The following HCN1 variants were observed in gnomAD, a reference collection of about 807,000 sequenced individuals.
HCN1 encodes potassium/sodium hyperpolarization-activated cyclic nucleotide-gated channel 1.
Under a neutral mutation model 78.9 loss-of-function variants are expected in HCN1, and 13 were observed. The observed-to-expected ratio is 0.16, with a 90% CI of 0.11 to 0.26. HCN1 has a LOEUF of 0.26. Among genes scored for constraint, HCN1 ranks in the 10% least tolerant of loss-of-function variants. The pLI is 1.00. For synonymous variants in HCN1, 552 were observed against 455.5 expected (o/e 1.21, Z -2.70); for missense variants, 810 against 1,154.3 (o/e 0.70, Z 4.32).
chr5:45,569,765 G>A (rs1743786464), intron 2 of HCN1, among the ~76,000 whole-genome samples: 1 of 151,858 alleles, frequency 6.6e-6, no homozygotes, highest in South Asian at 2.1e-4. Context: ...AAATTAGTAA[G>A]TACAATTTTA....
intron 2 of HCN1, among the ~76,000 whole-genome samples, chr5:45,588,186 C>T (rs1412402493): frequency 6.6e-6 from 1 of 151,826 alleles, no homozygotes; most frequent in Non-Finnish European, 1.5e-5. Context: ...ATATATAATC[C>T]CCTATAGATA....
intron 1 of HCN1, among the ~76,000 whole-genome samples, chr5:45,679,188 A>T (rs1398574056): frequency 6.6e-6 from 1 of 152,012 alleles, no homozygotes; most frequent in Non-Finnish European, 1.5e-5. Context: ...TAGTTTCTCC[A>T]TTTATAAGCT....
chr5:45,381,072 G>T (rs1035885530), intron 4 of HCN1, among the ~76,000 whole-genome samples: 1 of 152,034 alleles, frequency 6.6e-6, no homozygotes, highest in Admixed American at 6.6e-5. Context: ...TAGATTTCCT[G>T]TTCAATTTCT....
At chr5:45,645,682 C>G in intron 1 of HCN1, 74 bp from the exon 2 acceptor site, 1 of 883,288 alleles carries the variant, frequency 1.1e-6, no homozygotes, top group South Asian at 1.5e-5. Flanking sequence ...AAAATTATTA[C>G]TGATATATAG....
chr5:45,296,716 C>G (rs772386275), intron 6 of HCN1, among the ~76,000 whole-genome samples: 72 of 151,550 alleles, frequency 4.8e-4, no homozygotes, highest in Non-Finnish European at 8.0e-4. Context: ...GAAGACTGAC[C>G]AAGAAAAAAG....
rs140573466 is a variant in HCN1, at chr5:45,649,733, A to G, written c.426-4125T>C. On this transcript the variant is annotated intron_variant, in intron 1 of 7. Coordinates refer to ENST00000303230, the MANE Select transcript of HCN1 (RefSeq NM_021072.4). ...TCTTGTCTTCTATATATTTTCTGCT[A>G]TAAGATAGATAGCATCTAAGATAGC... Among the ~76,000 whole-genome samples, 8 of 152,262 alleles carry G rather than the reference A, an allele frequency of 5.3e-5. No homozygotes were observed. The South Asian group carries it at 1.2e-3, about 24-fold the overall frequency.
At chr5:45,350,764 T>TC (rs1746879005) in intron 5 of HCN1, among the ~76,000 whole-genome samples, 1 of 151,626 alleles carries the variant, frequency 6.6e-6, no homozygotes, top group African/African-American at 2.4e-5. Context: ...ATGAGTGAAC[T>TC]CCCATTCACA....
At chr5:45,417,191 G>A (rs1393526573) in intron 3 of HCN1, among the ~76,000 whole-genome samples, 2 of 151,770 alleles carry the variant, frequency 1.3e-5, no homozygotes, top group South Asian at 2.1e-4. Flanking sequence ...GATAGCTCAC[G>A]GTATCTATTG....
At chr5:45,599,045 C>A (rs1463104044) in intron 2 of HCN1, among the ~76,000 whole-genome samples, 3 of 152,112 alleles carry the variant, frequency 2.0e-5, no homozygotes, top group Non-Finnish European at 4.4e-5. Flanking sequence ...ACCATTTGAC[C>A]CGGTGATCCC....
intron 2 of HCN1, among the ~76,000 whole-genome samples, chr5:45,510,783 C>T (rs779527045): frequency 3.2e-4 from 49 of 151,932 alleles, no homozygotes; most frequent in Non-Finnish European, 7.1e-4. Context: ...TATGTCTCCT[C>T]CATTTAAGAA....
rs72762072 is a variant in HCN1, at chr5:45,566,790, A to G, written c.849+78395T>C. Among the ~76,000 whole-genome samples, 1,312 of 152,314 alleles carry G rather than the reference A, an allele frequency of 8.6e-3. 7 individuals are homozygous for G. Among genetic ancestry groups the G allele is most frequent in the Non-Finnish European group, 0.014 (922 of 68,028 alleles). Reference sequence around the variant, plus strand: ...TGCACTCTGGGACGGGTTCCTCCCTATGAGGAAAATGCCCAAGCAAGAACT... The same window carrying G: ...TGCACTCTGGGACGGGTTCCTCCCTGTGAGGAAAATGCCCAAGCAAGAACT... On this transcript the variant is annotated intron_variant, in intron 2 of 7. Coordinates refer to ENST00000303230, the MANE Select transcript of HCN1 (RefSeq NM_021072.4).
At chr5:45,679,012 A>G (rs1174356898) in intron 1 of HCN1, among the ~76,000 whole-genome samples, 1 of 151,954 alleles carries the variant, frequency 6.6e-6, no homozygotes, top group Non-Finnish European at 1.5e-5. Flanking sequence ...AATAACTAGA[A>G]TTCATATACC....
chr5:45,604,356 C>T (rs866004712), intron 2 of HCN1, among the ~76,000 whole-genome samples: 5 of 151,748 alleles, frequency 3.3e-5, no homozygotes, highest in South Asian at 2.1e-4. Flanking sequence ...GTCTGGGTGG[C>T]GCTTACACAC....
At chr5:45,365,050 T>C (rs1322573386) in intron 4 of HCN1, among the ~76,000 whole-genome samples, 2 of 152,194 alleles carry the variant, frequency 1.3e-5, no homozygotes, top group East Asian at 3.9e-4. Flanking sequence ...ATTAATATGT[T>C]CTAAAATATT....
intron 5 of HCN1, among the ~76,000 whole-genome samples, chr5:45,322,971 T>G (rs1579810363): frequency 6.6e-6 from 1 of 151,956 alleles, no homozygotes; most frequent in South Asian, 2.1e-4. Context: ...TTCAGGCACT[T>G]GAAACACGGC....
At chr5:45,625,489 C>A (rs1006831181) in intron 2 of HCN1, among the ~76,000 whole-genome samples, 1 of 151,838 alleles carries the variant, frequency 6.6e-6, no homozygotes, top group African/African-American at 2.4e-5. Context: ...TGCCTAGTAC[C>A]TTCACATATT....
intron 5 of HCN1, among the ~76,000 whole-genome samples, chr5:45,338,769 A>G (rs902905998): frequency 4.6e-5 from 7 of 152,138 alleles, no homozygotes; most frequent in African/African-American, 1.7e-4. Context: ...TAGGTACATA[A>G]TACTCCAATT....
At chr5:45,577,329 G>C (rs1205068807) in intron 2 of HCN1, among the ~76,000 whole-genome samples, 1 of 151,966 alleles carries the variant, frequency 6.6e-6, no homozygotes, top group Non-Finnish European at 1.5e-5. Flanking sequence ...GCTTAATAGA[G>C]GGCTGACATC....
intron 1 of HCN1, among the ~76,000 whole-genome samples, chr5:45,677,425 A>G (rs1739590160): frequency 6.6e-6 from 1 of 151,826 alleles, no homozygotes; most frequent in Non-Finnish European, 1.5e-5. Context: ...GGGAAATTTG[A>G]GAAGCAGTGT....
Sources: allele counts gnomAD v4.1 joint callset (sites outside exome capture counted in the v4.1 genomes callset), GRCh38; gene constraint gnomAD v4.1.1; transcripts MANE v1.5; gene names NCBI Gene and HGNC (gene_info 2026-07-23, HGNC 2026-07-21).